The following GABRR2 variants were observed in gnomAD, a reference collection of about 807,000 sequenced individuals.
The protein encoded by GABRR2 is gamma-aminobutyric acid receptor subunit rho-2.
GABRR2 carries 36 observed loss-of-function variants against 47.0 expected under a neutral mutation model. The ratio of observed to expected loss-of-function variants is 0.77; its 90% confidence interval spans 0.59 to 1.01. The LOEUF is 1.01. Ranked by LOEUF, GABRR2 falls within the 50% of genes least tolerant of loss-of-function variation. GABRR2 has a pLI of 0.00. For missense variants in GABRR2, 587 were observed against 594.6 expected (o/e 0.99, Z 0.13); for synonymous variants, 204 against 227.5 (o/e 0.90, Z 0.93).
intron 8 of GABRR2, among the ~76,000 whole-genome samples, chr6:89,261,850 G>T (rs1582432547): frequency 6.6e-6 from 1 of 152,024 alleles, no homozygotes; most frequent in Non-Finnish European, 1.5e-5. Context: ...ACCAGTCTTG[G>T]CAACATGGCA....
At chr6:89,273,318 T>A (rs1320909828) in intron 2 of GABRR2, among the ~76,000 whole-genome samples, 4 of 152,152 alleles carry the variant, frequency 2.6e-5, no homozygotes, top group Non-Finnish European at 5.9e-5. Context: ...CTGCAACCTC[T>A]GCCTCCCAGG....
At position 89,292,827 on chromosome 6, in the gene GABRR2, ATC is replaced by A. The variant is rs1774491806; in HGVS notation, c.220+6930_220+6931del. On this transcript the variant is annotated intron_variant, in intron 2 of 8. Coordinates refer to ENST00000402938, the MANE Select transcript of GABRR2 (RefSeq NM_002043.5). ...ATCGTATATACGATATATCGTATAT[ATC>A]GTATATACGATATATCGTATATATC... 5.3e-5 allele frequency among the ~76,000 whole-genome samples: 2 copies of A among 37,658 alleles called. 1 individual carries two copies. The highest frequency in any genetic ancestry group is 1.9e-4 in the African/African-American group (2 of 10,414). 24.7% of individuals were successfully genotyped at this position (37,658 alleles called of 152,430 possible). A position where few individuals can be genotyped will look rare whatever the true frequency, so the allele number is the denominator to read the frequency against.
chr6:89,276,424 T>G (rs1774163411), intron 2 of GABRR2, among the ~76,000 whole-genome samples: 1 of 152,056 alleles, frequency 6.6e-6, no homozygotes, highest in African/African-American at 2.4e-5. Flanking sequence ...AGAAAATTCT[T>G]TACCTCAATA....
chr6:89,268,952 C>T (rs202108132), intron 4 of GABRR2, 59 bp downstream of exon 4: 1 of 1,493,046 alleles, frequency 6.7e-7, no homozygotes, highest in South Asian at 1.1e-5. Flanking sequence ...GGCCAAAGGG[C>T]CTGACCACAC....
At chr6:89,282,688 C>T (rs1774270296) in intron 2 of GABRR2, among the ~76,000 whole-genome samples, 1 of 152,194 alleles carries the variant, frequency 6.6e-6, no homozygotes, top group South Asian at 2.1e-4. Flanking sequence ...CTGGAAAGGC[C>T]TTCTATCCAA....
chr6:89,297,025 A>G (rs896482696), intron 2 of GABRR2, among the ~76,000 whole-genome samples: 1 of 152,228 alleles, frequency 6.6e-6, no homozygotes, highest in Middle Eastern at 3.4e-3. Flanking sequence ...CTTGGGTAAA[A>G]AGGTACAACA....
intron 2 of GABRR2, among the ~76,000 whole-genome samples, chr6:89,289,544 G>A (rs960936858): frequency 3.3e-5 from 5 of 152,208 alleles, no homozygotes; most frequent in African/African-American, 4.8e-5. Flanking sequence ...CAGAGAGGGC[G>A]CAGCTAGGAT....
chr6:89,311,501 G>T (rs776286767), intron 1 of GABRR2, among the ~76,000 whole-genome samples: 1 of 152,032 alleles, frequency 6.6e-6, no homozygotes, highest in African/African-American at 2.4e-5. Context: ...ACACAGTCTC[G>T]GCCCTCAGAC....
intron 2 of GABRR2, among the ~76,000 whole-genome samples, chr6:89,278,531 G>A (rs1371735968): frequency 6.6e-6 from 1 of 152,246 alleles, no homozygotes; most frequent in African/African-American, 2.4e-5. Flanking sequence ...AGGTGAGGCT[G>A]AGGGGCTTGA....
chr6:89,259,654 C>T (rs1188590341), intron 8 of GABRR2, among the ~76,000 whole-genome samples: 1 of 151,980 alleles, frequency 6.6e-6, no homozygotes, highest in Admixed American at 6.6e-5. Flanking sequence ...CAGGTGCCCA[C>T]CACCATGCCC....
At chr6:89,271,858 C>T (rs1341887348) in intron 2 of GABRR2, 136 bp from the exon 3 acceptor site, 17 of 681,088 alleles carry the variant, frequency 2.5e-5, no homozygotes, top group Non-Finnish European at 4.1e-5. Context: ...ATGAGGGTTT[C>T]TTGCTGGTTC....
rs1767478732 is a variant in GABRR2, at chr6:89,302,752, T to C, written c.114-2887A>G. 5.6e-6 allele frequency: 8 copies of C among 1,427,138 alleles called. No individual in the cohort carries two copies. The South Asian group carries it at 9.1e-5, about 16-fold the overall frequency. The allele number at this position is 1,427,138 out of a possible 1,614,324, so 88.4% of individuals were successfully genotyped here. ...TCCATGAAGGAGGTGGACGAGCAGATGCTGTCCATCCAGAGCAAGAACAGC... is the reference window on the plus strand; with the variant it reads ...TCCATGAAGGAGGTGGACGAGCAGACGCTGTCCATCCAGAGCAAGAACAGC... On this transcript the variant is annotated intron_variant, in intron 1 of 8. Transcript: ENST00000402938.
chr6:89,308,245 C>T (rs1370289912), intron 1 of GABRR2, among the ~76,000 whole-genome samples: 7 of 152,172 alleles, frequency 4.6e-5, no homozygotes, highest in East Asian at 1.9e-4. Flanking sequence ...CATTCCTCAC[C>T]GGCTCTGCCC....
intron 1 of GABRR2, among the ~76,000 whole-genome samples, chr6:89,304,275 G>T (rs10455508): frequency 0.27 from 41,499 of 152,112 alleles, 5,894 homozygotes; most frequent in East Asian, 0.37. Flanking sequence ...CCATTAAAAA[G>T]TAGGCAAAAA....
intron 1 of GABRR2, among the ~76,000 whole-genome samples, chr6:89,301,335 C>T (rs926251024): frequency 2.0e-5 from 3 of 152,154 alleles, no homozygotes; most frequent in African/African-American, 4.8e-5. Flanking sequence ...TGCCCTCTCT[C>T]ACCACTCCTA....
rs1161884313 is a variant in GABRR2, at chr6:89,254,509, TCA to T, written c.*3159_*3160del. Among the ~76,000 whole-genome samples, 2 of 152,360 alleles carry T rather than the reference TCA, an allele frequency of 1.3e-5. No individual in the cohort carries two copies. Among genetic ancestry groups the T allele is most frequent in the East Asian group, 3.9e-4 (2 of 5,194 alleles). The stretch of plus-strand genomic sequence containing the variant: ...CTTTTATTGTAACATTAACATTTTT[TCA>T]CAGTTTCATATTGGTGAAATCAGGA... On this transcript the variant is annotated 3_prime_UTR_variant, in exon 9 of 9. Transcript: ENST00000402938.
intron 2 of GABRR2, among the ~76,000 whole-genome samples, chr6:89,278,960 C>T (rs1279545164): frequency 2.0e-5 from 3 of 152,244 alleles, no homozygotes; most frequent in Non-Finnish European, 4.4e-5. Context: ...GAATTTCCTA[C>T]TCCTGGCTTC....
At chr6:89,276,749 A>G (rs1774169838) in intron 2 of GABRR2, among the ~76,000 whole-genome samples, 1 of 152,242 alleles carries the variant, frequency 6.6e-6, no homozygotes, top group Admixed American at 6.5e-5. Flanking sequence ...ATCGTAGATA[A>G]ACTATTAGAC....
intron 8 of GABRR2, among the ~76,000 whole-genome samples, chr6:89,258,806 G>T (rs952064698): frequency 6.7e-6 from 1 of 149,740 alleles, no homozygotes; most frequent in South Asian, 2.1e-4. Flanking sequence ...AGAGTCAAGG[G>T]TCATGGTATC....
Sources: allele counts gnomAD v4.1 joint callset (sites outside exome capture counted in the v4.1 genomes callset), GRCh38; gene constraint gnomAD v4.1.1; transcripts MANE v1.5; gene names NCBI Gene and HGNC (gene_info 2026-07-23, HGNC 2026-07-21).